The following RP2 variants were observed in gnomAD, a reference collection of about 807,000 sequenced individuals.
RP2 encodes the protein RP2 activator of ARL3 GTPase.
Under a neutral mutation model 20.3 loss-of-function variants are expected in RP2, and 3 were observed. That is an observed-to-expected ratio of 0.15 (90% CI 0.07 to 0.38). RP2 has a LOEUF of 0.38. Ranked by LOEUF, RP2 falls within the 10% of genes least tolerant of loss-of-function variation. The pLI, the probability that RP2 is intolerant of heterozygous loss-of-function variation, is 1.00. For synonymous variants in RP2, 75 were observed against 94.8 expected, an observed-to-expected ratio of 0.79 and a Z score of 1.22; for missense variants, 233 against 268.5, an observed-to-expected ratio of 0.87 and a Z score of 0.92.
intron 1 of RP2, among the ~76,000 whole-genome samples, chrX:46,847,111 C>T (rs1433659470): frequency 8.9e-6 from 1 of 111,817 alleles, no homozygotes; most frequent in East Asian, 2.8e-4. Flanking sequence ...TCCCAAATGA[C>T]TTGTATTTAC....
chrX:46,868,177 T>C (rs1197178338), intron 3 of RP2, among the ~76,000 whole-genome samples: 1 of 112,142 alleles, frequency 8.9e-6, no homozygotes, highest in Non-Finnish European at 1.9e-5. Context: ...TGATATCTCA[T>C]TGTGTTTTTT....
At chrX:46,847,743 T>TATGTGTGTGTGTATATACAC (rs1924753800) in intron 1 of RP2, among the ~76,000 whole-genome samples, 1 of 87,120 alleles carries the variant, frequency 1.1e-5, no homozygotes, top group African/African-American at 4.9e-5. Context: ...TATACACACA[T>TATGTGTGTGTGTATATACAC]ATGTGTGTGT....
chrX:46,849,631 C>T (rs1191134194), intron 1 of RP2, among the ~76,000 whole-genome samples: 2 of 111,747 alleles, frequency 1.8e-5, no homozygotes, highest in Non-Finnish European at 3.8e-5. Flanking sequence ...CTTGGAAGGC[C>T]GTGCTGACAA....
intron 4 of RP2, among the ~76,000 whole-genome samples, chrX:46,877,881 A>C (rs1216808187): frequency 9.0e-6 from 1 of 111,714 alleles, no homozygotes; most frequent in Non-Finnish European, 1.9e-5. Flanking sequence ...ATATGTTTCT[A>C]AAGTAAAAAG....
chrX:46,862,314 T>C (rs1925080387), intron 3 of RP2, among the ~76,000 whole-genome samples: 1 of 109,070 alleles, frequency 9.2e-6, no homozygotes, highest in Admixed American at 9.8e-5. Flanking sequence ...GAGGTTGCAG[T>C]GAGCCAAGAT....
At chrX:46,868,171 A>G in intron 3 of RP2, among the ~76,000 whole-genome samples, 1 of 112,136 alleles carries the variant, frequency 8.9e-6, no homozygotes, top group Middle Eastern at 4.6e-3. Context: ...GTGTCATGAT[A>G]TCTCATTGTG....
chrX:46,867,195 G>A (rs1925188208), intron 3 of RP2, among the ~76,000 whole-genome samples: 1 of 111,350 alleles, frequency 9.0e-6, no homozygotes, highest in Non-Finnish European at 1.9e-5. Flanking sequence ...CCACCTCCTG[G>A]GTTCAAGCGA....
intron 3 of RP2, among the ~76,000 whole-genome samples, chrX:46,860,435 T>G (rs1194375469): frequency 1.8e-5 from 2 of 111,899 alleles, no homozygotes; most frequent in African/African-American, 6.5e-5. Flanking sequence ...CTGCTCAGAG[T>G]TGCAAAGCAC....
intron 1 of RP2, among the ~76,000 whole-genome samples, chrX:46,838,992 G>A (rs1556314206): frequency 9.0e-6 from 1 of 111,376 alleles, no homozygotes; most frequent in Non-Finnish European, 1.9e-5. Context: ...GCTTCTGAGT[G>A]TGTGTATAAT....
intron 1 of RP2, among the ~76,000 whole-genome samples, chrX:46,847,659 CAT>C (rs782310100): frequency 3.0e-5 from 3 of 99,103 alleles, no homozygotes; most frequent in African/African-American, 1.1e-4. Context: ...TCTCTCTTTA[CAT>C]ATATATATCT....
At chrX:46,869,578 G>A (rs111864065) in intron 3 of RP2, among the ~76,000 whole-genome samples, 1,418 of 100,619 alleles carry the variant, frequency 0.014, 23 homozygotes, top group African/African-American at 0.05. Context: ...TACCGTGCCC[G>A]GCCGTCAGTT....
chrX:46,861,168 A>G (rs1468665728), intron 3 of RP2, among the ~76,000 whole-genome samples: 1 of 112,152 alleles, frequency 8.9e-6, no homozygotes, highest in Non-Finnish European at 1.9e-5. Context: ...GAATCAGGTA[A>G]TAAGTGTATT....
chrX:46,854,921 C>T (rs1556318908), intron 2 of RP2, among the ~76,000 whole-genome samples: 1 of 110,572 alleles, frequency 9.0e-6, no homozygotes, highest in Admixed American at 9.7e-5. Context: ...GGCGCCACCA[C>T]ACCCAGCTAA....
intron 4 of RP2, among the ~76,000 whole-genome samples, chrX:46,878,186 A>G (rs985286649): frequency 8.2e-5 from 9 of 109,637 alleles, no homozygotes; most frequent in African/African-American, 3.0e-4. Context: ...CATCCCGGCT[A>G]AAACGGTGAA....
chrX:46,878,210 T>A (rs1371430523), intron 4 of RP2, among the ~76,000 whole-genome samples: 3 of 108,889 alleles, frequency 2.8e-5, no homozygotes, highest in African/African-American at 1.0e-4. Context: ...CCGTCTCTAC[T>A]AAAAATACAA....
chrX:46,848,635 C>T (rs888977026), intron 1 of RP2, among the ~76,000 whole-genome samples: 2 of 108,806 alleles, frequency 1.8e-5, no homozygotes, highest in African/African-American at 3.3e-5. Context: ...CCACCCGCCT[C>T]GGCCTCCCAA....
At chrX:46,862,641 C>T (rs996098078) in intron 3 of RP2, among the ~76,000 whole-genome samples, 2 of 109,824 alleles carry the variant, frequency 1.8e-5, no homozygotes, top group East Asian at 2.9e-4. Context: ...GCCTGGGCGA[C>T]AGAGCAAGAC....
intron 1 of RP2, among the ~76,000 whole-genome samples, chrX:46,852,268 GAGGA>G (rs1336044410): frequency 4.5e-5 from 5 of 110,901 alleles, no homozygotes; most frequent in South Asian, 3.8e-4. Flanking sequence ...GGGAGGGAGG[GAGGA>G]AGGAAGGAAG....
intron 3 of RP2, among the ~76,000 whole-genome samples, chrX:46,872,414 TTTC>T (rs1475247378): frequency 8.9e-5 from 10 of 112,343 alleles, no homozygotes; most frequent in African/African-American, 2.6e-4. Flanking sequence ...TTGTTCTTTT[TTTC>T]TTATTACCTC....
Sources: allele counts gnomAD v4.1 joint callset (sites outside exome capture counted in the v4.1 genomes callset), GRCh38; gene constraint gnomAD v4.1.1; transcripts MANE v1.5; gene names NCBI Gene and HGNC (gene_info 2026-07-23, HGNC 2026-07-21).